SLC8A3: variants seen among roughly 807,000 people sequenced by gnomAD.
The protein encoded by SLC8A3 is sodium/calcium exchanger 3.
In SLC8A3, 37 loss-of-function variants were observed where a neutral mutation model predicts 65.4. The ratio of observed to expected loss-of-function variants is 0.57; its 90% CI spans 0.44 to 0.74. SLC8A3 has a LOEUF of 0.74. SLC8A3 is among the 30% of genes least tolerant of loss of function. The pLI, the probability that SLC8A3 is intolerant of heterozygous loss-of-function variation, is 0.00. For missense variants in SLC8A3, 1,112 were observed against 1,172.1 expected, an observed-to-expected ratio of 0.95 and a Z score of 0.75; for synonymous variants, 461 against 444.5, an observed-to-expected ratio of 1.04 and a Z score of -0.47.
At chr14:70,106,080 A>G (rs1040987662) in intron 2 of SLC8A3, among the ~76,000 whole-genome samples, 3 of 152,168 alleles carry the variant, frequency 2.0e-5, no homozygotes, top group African/African-American at 7.2e-5. Context: ...TAAACTGAAT[A>G]ACATACTGAA....
chr14:70,055,455 C>T (rs1038463972), intron 3 of SLC8A3, among the ~76,000 whole-genome samples: 33 of 152,186 alleles, frequency 2.2e-4, no homozygotes, highest in African/African-American at 7.0e-4. Context: ...ACTGTCTCTT[C>T]CCCCACAACA....
intron 2 of SLC8A3, among the ~76,000 whole-genome samples, chr14:70,163,807 C>T (rs1218611193): frequency 6.6e-6 from 1 of 152,174 alleles, no homozygotes; most frequent in African/African-American, 2.4e-5. Context: ...ATCTCAATCC[C>T]TCCCCTAGAC....
rs777215434 is a variant in SLC8A3 at position 70,166,832 on chromosome 14, T to C, written c.1591A>G (p.Ile531Val). The C allele has an allele frequency of 2.4e-5, 38 of 1,614,062 alleles. No individual in the cohort carries two copies. The highest frequency in any genetic ancestry group is 3.1e-5 in the Non-Finnish European group (36 of 1,180,016). ...VTILDDDHAG[I>V]FTFECDTIHV... ...ATAGTATCACATTCAAAAGTGAAGA[T>C]GCCTGCATGGTCATCATCCAAGATG... Residue 531 changes from isoleucine (I) to valine (V), a missense_variant, in exon 2 of 7, where the codon ATC (isoleucine) becomes GTC (valine). By Grantham distance (29) the Ile-to-Val change is conservative. Transcript: ENST00000356921.
chr14:70,149,591 G>T (rs899617450), intron 2 of SLC8A3, among the ~76,000 whole-genome samples: 5 of 152,164 alleles, frequency 3.3e-5, no homozygotes, highest in Non-Finnish European at 5.9e-5. Flanking sequence ...TCTAGTGAGA[G>T]AGGCCTCAGT....
At chr14:70,181,340 T>A (rs1273498972) in intron 1 of SLC8A3, among the ~76,000 whole-genome samples, 4 of 148,906 alleles carry the variant, frequency 2.7e-5, no homozygotes, top group Non-Finnish European at 5.9e-5. Context: ...GCTTCATGGG[T>A]GAGGGAGTAT....
At chr14:70,140,309 A>C (rs1399590343) in intron 2 of SLC8A3, among the ~76,000 whole-genome samples, 1 of 152,192 alleles carries the variant, frequency 6.6e-6, no homozygotes, top group Non-Finnish European at 1.5e-5. Context: ...GTCCCCATGC[A>C]TCATATCACT....
At chr14:70,085,506 C>T (rs1008462054) in intron 2 of SLC8A3, among the ~76,000 whole-genome samples, 6 of 152,094 alleles carry the variant, frequency 3.9e-5, no homozygotes, top group Non-Finnish European at 7.4e-5. Context: ...TTAACCCGAC[C>T]CACCTCCCCG....
rs545970839 is a variant in SLC8A3 at position 70,168,597 on chromosome 14, A to G, written c.-62-113T>C. ...CTCCAGTGACATATTGCACTAACAT[A>G]TGGGGCAGTCTCTCACTTGGAAAAA... is the stretch of plus-strand genomic sequence containing the variant. On this transcript the variant is annotated intron_variant, in intron 1 of 6. Coordinates refer to ENST00000356921, the MANE Select transcript of SLC8A3 (RefSeq NM_182932.3). The G allele has an allele frequency of 9.2e-5, 54 of 589,316 alleles. 2 individuals carry two copies. The South Asian group carries it at 1.1e-3, about 12-fold the overall frequency. 36.5% of individuals were successfully genotyped at this position (589,316 alleles called of 1,614,324 possible).
chr14:70,126,833 C>T (rs1283003791), intron 2 of SLC8A3, among the ~76,000 whole-genome samples: 1 of 151,772 alleles, frequency 6.6e-6, no homozygotes, highest in Non-Finnish European at 1.5e-5. Flanking sequence ...AGGAAATGTT[C>T]ATTGGAGCAG....
Position 70,128,302 on chromosome 14 carries a change from C to A in SLC8A3, c.1784+38337G>T, listed in dbSNP as rs557618423. Among the ~76,000 whole-genome samples the A allele has an allele frequency of 1.2e-4, 18 of 152,324 alleles. No homozygotes were observed. In the South Asian group the frequency reaches 3.7e-3, roughly 32 times the overall value. ...AAACTAACTTTTCTAGAATACAGAT[C>A]TATCATGTCACCCTATGGCTTAGAA... On this transcript the variant is annotated intron_variant, in intron 2 of 6. Coordinates refer to ENST00000356921, the MANE Select transcript of SLC8A3 (RefSeq NM_182932.3).
At chr14:70,144,276 AAAAC>A (rs1369391472) in intron 2 of SLC8A3, among the ~76,000 whole-genome samples, 2 of 150,456 alleles carry the variant, frequency 1.3e-5, no homozygotes, top group African/African-American at 4.9e-5. Flanking sequence ...TATGGGAAGT[AAAAC>A]AAACAAAAAA....
chr14:70,135,685 T>TA (rs58796589), intron 2 of SLC8A3, among the ~76,000 whole-genome samples: 32,140 of 146,634 alleles, frequency 0.22, 3,837 homozygotes, highest in East Asian at 0.41. Context: ...ATGAGAGCTA[T>TA]AAAAAAAAAA....
chr14:70,067,330 T>G (rs1046651843), intron 2 of SLC8A3, among the ~76,000 whole-genome samples: 2 of 152,190 alleles, frequency 1.3e-5, no homozygotes, highest in Non-Finnish European at 2.9e-5. Flanking sequence ...CTGAAGTTAG[T>G]TAGTTAGTTA....
intron 2 of SLC8A3, among the ~76,000 whole-genome samples, chr14:70,094,990 C>G (rs1057094432): frequency 7.2e-5 from 11 of 152,234 alleles, no homozygotes; most frequent in African/African-American, 2.7e-4. Flanking sequence ...TGTCCACATC[C>G]TGGCTCAGGT....
chr14:70,045,795 T>C lies in SLC8A3; in HGVS notation c.*152A>G. 1.5e-6 allele frequency: 1 copy of C among 666,018 alleles called. No individual in the cohort carries two copies. The highest frequency in any genetic ancestry group is 2.5e-6 in the Non-Finnish European group (1 of 404,614). 41.3% of individuals were successfully genotyped at this position (666,018 alleles called of 1,614,324 possible). A position where few individuals can be genotyped will look rare whatever the true frequency, so the allele number is the denominator to read the frequency against. ...ATTAAGACTTTGCCCTTTCAGTTAA[T>C]TGCCAGGGCCTAAGTTGGGTGAAGT... On this transcript the variant is annotated 3_prime_UTR_variant, in exon 7 of 7. Transcript: ENST00000356921.
intron 2 of SLC8A3, among the ~76,000 whole-genome samples, chr14:70,090,897 A>T (rs1197700181): frequency 6.6e-6 from 1 of 152,212 alleles, no homozygotes; most frequent in African/African-American, 2.4e-5. Flanking sequence ...CTTACCAGAA[A>T]AATGCACATA....
chr14:70,072,646 A>G (rs1890117050), intron 2 of SLC8A3, among the ~76,000 whole-genome samples: 1 of 150,988 alleles, frequency 6.6e-6, no homozygotes, highest in Non-Finnish European at 1.5e-5. Flanking sequence ...TGCAACCTGA[A>G]CTTTTCTTTT....
At chr14:70,177,418 C>A (rs1653616053) in intron 1 of SLC8A3, among the ~76,000 whole-genome samples, 4 of 152,168 alleles carry the variant, frequency 2.6e-5, no homozygotes, top group Non-Finnish European at 5.9e-5. Context: ...AATAATTACA[C>A]CAAAACAACT....
At chr14:70,116,167 G>A (rs1264392238) in intron 2 of SLC8A3, among the ~76,000 whole-genome samples, 3 of 152,130 alleles carry the variant, frequency 2.0e-5, no homozygotes, top group Non-Finnish European at 4.4e-5. Flanking sequence ...AGCCTGGGCC[G>A]GGGTGGCTGG....
Sources: gnomAD v4.1 joint callset for allele counts (sites outside exome capture counted in the v4.1 genomes callset) on GRCh38, gnomAD v4.1.1 for gene constraint, MANE v1.5 for transcripts, NCBI Gene and HGNC (gene_info 2026-07-23, HGNC 2026-07-21) for gene names.